Variants in ADAMTS6 observed in about 807,000 individuals in gnomAD.
ADAMTS6 encodes the protein ADAM metallopeptidase with thrombospondin type 1 motif 6, also known as A disintegrin and metalloproteinase with thrombospondin motifs 6.
In ADAMTS6, 23 loss-of-function variants were observed where a neutral mutation model predicts 144.3. That is an observed-to-expected ratio of 0.16 (90% confidence interval 0.11 to 0.23). The LOEUF is 0.23. Ranked by LOEUF, ADAMTS6 falls within the 10% of genes least tolerant of loss-of-function variation. ADAMTS6 has a pLI of 1.00. For missense variants in ADAMTS6, 999 were observed against 1,379.6 expected (o/e 0.72, Z 4.37); for synonymous variants, 444 against 457.5 (o/e 0.97, Z 0.38).
At chr5:65,402,696 C>T (rs745691724) in intron 7 of ADAMTS6, among the ~76,000 whole-genome samples, 4 of 151,998 alleles carry the variant, frequency 2.6e-5, no homozygotes, top group African/African-American at 4.8e-5. Context: ...AAGGACACCC[C>T]CCCCCATATT....
chr5:65,372,211 T>C (rs1383784042), intron 7 of ADAMTS6, among the ~76,000 whole-genome samples: 1 of 141,406 alleles, frequency 7.1e-6, no homozygotes, highest in African/African-American at 3.0e-5. Flanking sequence ...CCGAGCAAAA[T>C]AACCAGCTAA....
At chr5:65,409,369 C>G (rs1334414184) in intron 7 of ADAMTS6, among the ~76,000 whole-genome samples, 1 of 152,142 alleles carries the variant, frequency 6.6e-6, no homozygotes, top group Non-Finnish European at 1.5e-5. Context: ...ACTATAAACA[C>G]CTCTATGCAA....
chr5:65,392,093 C>T (rs1172922960), intron 7 of ADAMTS6, among the ~76,000 whole-genome samples: 1 of 152,094 alleles, frequency 6.6e-6, no homozygotes, highest in Non-Finnish European at 1.5e-5. Flanking sequence ...AAAAATTCCT[C>T]ATTTTGCATT....
At chr5:65,364,652 C>G (rs1208405250) in intron 7 of ADAMTS6, among the ~76,000 whole-genome samples, 1 of 150,542 alleles carries the variant, frequency 6.6e-6, no homozygotes, top group Non-Finnish European at 1.5e-5. Flanking sequence ...CTGTAAGCTC[C>G]GCCTCCTGGG....
intron 7 of ADAMTS6, 168 bp downstream of exon 7, chr5:65,451,307 T>G: frequency 1.6e-6 from 1 of 615,938 alleles, no homozygotes; most frequent in Non-Finnish European, 2.6e-6. Context: ...GTTCATTTGA[T>G]GCAAACACAA....
Position 65,473,629 on chromosome 5 carries a change from G to T in ADAMTS6, c.45C>A (p.Ile15=), listed in dbSNP as rs747650563. 26 of 1,613,710 alleles carry T rather than the reference G, an allele frequency of 1.6e-5. 1 individual carries two copies. In the Admixed American group the frequency reaches 2.7e-4, roughly 17 times the overall value. ...CACTATGAAATTCCGATGAAGCCAT[G>T]ATGAGGCTCAAAATCCAGGTCAACG... ...WKTLTWILSL[I]MASSEFHSDH... The change falls in exon 2 of 25, where the codon ATC becomes ATA. Residue 15 remains isoleucine (I), a synonymous_variant. Transcript: ENST00000381055.
chr5:65,373,442 C>A (rs537777601), intron 7 of ADAMTS6, among the ~76,000 whole-genome samples: 76 of 150,756 alleles, frequency 5.0e-4, no homozygotes, highest in African/African-American at 1.8e-3. Flanking sequence ...ACCGATCCCA[C>A]AGAAATACAA....
chr5:65,275,358 A>AG (rs535829579), intron 11 of ADAMTS6, among the ~76,000 whole-genome samples: 91 of 14,720 alleles, frequency 6.2e-3, no homozygotes, highest in African/African-American at 0.024. Flanking sequence ...AAGAAGAGAA[A>AG]GAAAGAAAGA....
intron 14 of ADAMTS6, among the ~76,000 whole-genome samples, chr5:65,245,481 T>C (rs1293589707): frequency 6.6e-6 from 1 of 152,174 alleles, no homozygotes; most frequent in Non-Finnish European, 1.5e-5. Flanking sequence ...CTACCTCTTA[T>C]GTATCTTCCT....
At chr5:65,200,983 T>C (rs1246389229) in intron 20 of ADAMTS6, among the ~76,000 whole-genome samples, 1 of 152,248 alleles carries the variant, frequency 6.6e-6, no homozygotes, top group African/African-American at 2.4e-5. Context: ...TTTAATTTTC[T>C]GCCAATAGTT....
At chr5:65,329,792 C>T (rs986821278) in intron 8 of ADAMTS6, among the ~76,000 whole-genome samples, 15 of 152,154 alleles carry the variant, frequency 9.9e-5, no homozygotes, top group African/African-American at 3.6e-4. Flanking sequence ...TTCAAGAAAG[C>T]ATTTCTATTT....
At chr5:65,230,093 A>G (rs1758031210) in intron 15 of ADAMTS6, among the ~76,000 whole-genome samples, 1 of 151,896 alleles carries the variant, frequency 6.6e-6, no homozygotes, top group African/African-American at 2.4e-5. Context: ...AGAGGCTGAT[A>G]GCTACACTAA....
At chr5:65,398,146 A>G (rs1292709759) in intron 7 of ADAMTS6, among the ~76,000 whole-genome samples, 1 of 152,162 alleles carries the variant, frequency 6.6e-6, no homozygotes. Flanking sequence ...TATCCAGCTG[A>G]TTGACGGTGT....
At chr5:65,381,529 A>ATTTTTTT (rs748143650) in intron 7 of ADAMTS6, among the ~76,000 whole-genome samples, 1 of 103,086 alleles carries the variant, frequency 9.7e-6, no homozygotes. Context: ...TGCCTGGCTA[A>ATTTTTTT]TTTTTTTTTT....
At chr5:65,156,140 G>T (rs1312682865) in intron 24 of ADAMTS6, among the ~76,000 whole-genome samples, 1 of 152,106 alleles carries the variant, frequency 6.6e-6, no homozygotes, top group Admixed American at 6.6e-5. Context: ...AGCTTAGCTA[G>T]AGAGGACTGA....
intron 7 of ADAMTS6, among the ~76,000 whole-genome samples, chr5:65,419,085 G>C (rs559279339): frequency 5.3e-5 from 8 of 152,240 alleles, no homozygotes; most frequent in African/African-American, 1.7e-4. Context: ...CTACCAAAAA[G>C]ACACACGTAA....
At chr5:65,162,647 ACACAC>A in intron 24 of ADAMTS6, among the ~76,000 whole-genome samples, 1 of 151,872 alleles carries the variant, frequency 6.6e-6, no homozygotes, top group South Asian at 2.1e-4. Flanking sequence ...ACACACACAC[ACACAC>A]ACACACACTT....
intron 7 of ADAMTS6, among the ~76,000 whole-genome samples, chr5:65,377,317 T>C (rs919801628): frequency 2.0e-5 from 3 of 152,194 alleles, no homozygotes; most frequent in Non-Finnish European, 4.4e-5. Context: ...GATCCCCATA[T>C]TCTTCCCATT....
chr5:65,340,679 T>A (rs1434818039), intron 7 of ADAMTS6, among the ~76,000 whole-genome samples: 10 of 151,648 alleles, frequency 6.6e-5, no homozygotes, highest in African/African-American at 2.2e-4. Context: ...CTAAATAGAT[T>A]TAAAAAAAAA....
Sources: gnomAD v4.1 joint callset for allele counts (sites outside exome capture counted in the v4.1 genomes callset) on GRCh38, gnomAD v4.1.1 for gene constraint, MANE v1.5 for transcripts, NCBI Gene and HGNC (gene_info 2026-07-23, HGNC 2026-07-21) for gene names.